CNTNAP5: variants seen among roughly 807,000 people sequenced by gnomAD.
CNTNAP5 encodes contactin-associated protein-like 5.
CNTNAP5 carries 72 observed loss-of-function variants against 150.2 expected under a neutral mutation model. The observed-to-expected ratio is 0.48, with a 90% CI of 0.40 to 0.58. The LOEUF (loss-of-function observed/expected upper bound fraction) is 0.58. Among genes scored for constraint, CNTNAP5 ranks in the 20% least tolerant of loss-of-function variants. The pLI is 0.00. For synonymous variants in CNTNAP5, 672 were observed against 619.8 expected (o/e 1.08, Z -1.25); for missense variants, 1,636 against 1,626.2 (o/e 1.01, Z -0.10).
intron 7 of CNTNAP5, among the ~76,000 whole-genome samples, chr2:124,500,098 A>G (rs970744601): frequency 6.6e-6 from 1 of 152,110 alleles, no homozygotes; most frequent in African/African-American, 2.4e-5. Flanking sequence ...ATTTTACTCT[A>G]TGCCCTCAAC....
At chr2:124,757,085 C>A (rs1332993460) in intron 14 of CNTNAP5, among the ~76,000 whole-genome samples, 1 of 152,150 alleles carries the variant, frequency 6.6e-6, no homozygotes, top group Non-Finnish European at 1.5e-5. Flanking sequence ...ACTGAGGTTC[C>A]TTCTCCCCAA....
chr2:124,713,241 TTCTCTTTCTTTCTTTCTTTCTTTC>T lies in CNTNAP5; in HGVS notation c.2078-33986_2078-33963del, dbSNP rs1277898413. 5.8e-3 allele frequency among the ~76,000 whole-genome samples: 326 copies of T among 55,996 alleles called. 39 individuals carry two copies. The highest frequency in any genetic ancestry group is 0.041 in the East Asian group (55 of 1,358). The allele number at this position is 55,996 out of a possible 152,430, so 36.7% of individuals were successfully genotyped here. A position where few individuals can be genotyped will look rare whatever the true frequency, so the allele number is the denominator to read the frequency against. The stretch of plus-strand genomic sequence containing the variant: ...TCTGTTTCTTTCTTTCTTTCTTTCT[TTCTCTTTCTTTCTTTCTTTCTTTC>T]TTTCTTTCTTTCTTTCTTTCTTTCT... On this transcript the variant is annotated intron_variant, in intron 13 of 23. Transcript: ENST00000682447.
At chr2:124,276,639 T>A (rs1283067807) in intron 3 of CNTNAP5, among the ~76,000 whole-genome samples, 10 of 152,142 alleles carry the variant, frequency 6.6e-5, no homozygotes, top group African/African-American at 2.4e-4. Flanking sequence ...AAGCTGATAT[T>A]AGCTAAACAT....
At chr2:124,814,330 G>A (rs1192500969) in intron 19 of CNTNAP5, among the ~76,000 whole-genome samples, 2 of 151,434 alleles carry the variant, frequency 1.3e-5, no homozygotes, top group Non-Finnish European at 2.9e-5. Flanking sequence ...TCTCTGGGAA[G>A]CTTTCCTGGT....
chr2:124,153,342 G>A (rs1462150608), intron 1 of CNTNAP5, among the ~76,000 whole-genome samples: 1 of 152,108 alleles, frequency 6.6e-6, no homozygotes, highest in Non-Finnish European at 1.5e-5. Flanking sequence ...AACCTTGCTG[G>A]GTTCAGATGC....
chr2:124,068,097 T>C (rs1682208329), intron 1 of CNTNAP5, among the ~76,000 whole-genome samples: 1 of 140,636 alleles, frequency 7.1e-6, no homozygotes, highest in Non-Finnish European at 1.6e-5. Flanking sequence ...TTTAACTATC[T>C]GCATACACAA....
intron 21 of CNTNAP5, among the ~76,000 whole-genome samples, chr2:124,898,383 A>C (rs945150351): frequency 6.6e-6 from 1 of 151,366 alleles, no homozygotes; most frequent in Non-Finnish European, 1.5e-5. Context: ...ACATACACAC[A>C]CAAACCTGCC....
At chr2:124,305,969 T>C (rs890689273) in intron 3 of CNTNAP5, among the ~76,000 whole-genome samples, 6 of 152,236 alleles carry the variant, frequency 3.9e-5, no homozygotes, top group Admixed American at 6.5e-5. Context: ...TCTCAAATAT[T>C]GTTTTTAATC....
chr2:124,798,497 C>G (rs1473699720), intron 19 of CNTNAP5, among the ~76,000 whole-genome samples, 177 bp downstream of exon 19: 2 of 152,206 alleles, frequency 1.3e-5, no homozygotes, highest in Non-Finnish European at 2.9e-5. Flanking sequence ...AATTGGTATT[C>G]AGGGCCAGTG....
At chr2:124,284,493 T>C (rs963080280) in intron 3 of CNTNAP5, among the ~76,000 whole-genome samples, 1 of 152,024 alleles carries the variant, frequency 6.6e-6, no homozygotes, top group Non-Finnish European at 1.5e-5. Flanking sequence ...TCAGGATAAA[T>C]AGCTAATGCG....
At chr2:124,142,814 A>T (rs1213965758) in intron 1 of CNTNAP5, among the ~76,000 whole-genome samples, 1 of 150,678 alleles carries the variant, frequency 6.6e-6, no homozygotes, top group African/African-American at 2.5e-5. Flanking sequence ...GGAAATAGAG[A>T]CACAAAAAAC....
At chr2:124,804,210 G>A (rs926571124) in intron 19 of CNTNAP5, among the ~76,000 whole-genome samples, 4 of 152,106 alleles carry the variant, frequency 2.6e-5, no homozygotes, top group African/African-American at 9.7e-5. Context: ...ACCTCTAGAG[G>A]GCGATAAAGA....
At chr2:124,400,183 C>T (rs1291263325) in intron 3 of CNTNAP5, among the ~76,000 whole-genome samples, 1 of 151,626 alleles carries the variant, frequency 6.6e-6, no homozygotes, top group Non-Finnish European at 1.5e-5. Flanking sequence ...TATGGGCCAC[C>T]TGTTCTGCTT....
chr2:124,674,432 C>A lies in CNTNAP5; in HGVS notation c.2077+26474C>A, dbSNP rs1234109979. Among the ~76,000 whole-genome samples, 8 of 142,722 alleles carry A rather than the reference C, an allele frequency of 5.6e-5. 1 individual carries two copies. Among genetic ancestry groups the A allele is most frequent in the Non-Finnish European group, 1.1e-4 (7 of 65,298 alleles). 93.6% of individuals were successfully genotyped at this position (142,722 alleles called of 152,430 possible). A position where few individuals can be genotyped will look rare whatever the true frequency, so the allele number is the denominator to read the frequency against. On this transcript the variant is annotated intron_variant, in intron 13 of 23. Transcript: ENST00000682447. ...CCTTCCCTCCCTCCCTCCTCCTCTC[C>A]TCTCCTTCCTTTCCTTTCCCTTCCT...
In CNTNAP5 at chr2:124,798,305, C is replaced by T; in HGVS notation, c.3202C>T (p.Leu1068=). 20 of 1,612,468 alleles carry T rather than the reference C, an allele frequency of 1.2e-5. No individual in the cohort carries two copies. Among genetic ancestry groups the T allele is most frequent in the Non-Finnish European group, 1.6e-5 (19 of 1,178,526 alleles). ...NSSSQDFVVV[L]LCKNGSLQVR... ...TTCTTCTCAGGACTTCGTGGTTGTT[C>T]TGCTCTGCAAGAATGGTGAGTGTGA... The change falls in exon 19 of 24, where the codon CTG becomes TTG. Residue 1068 remains leucine (L), a synonymous_variant. Coordinates refer to ENST00000682447, the MANE Select transcript of CNTNAP5 (RefSeq NM_001367498.1).
chr2:124,182,244 T>C (rs1281084651), intron 1 of CNTNAP5, among the ~76,000 whole-genome samples: 2 of 152,158 alleles, frequency 1.3e-5, no homozygotes, highest in African/African-American at 2.4e-5. Flanking sequence ...ATGAATATTG[T>C]TTATCAGCAC....
chr2:124,459,509 G>A (rs1177431256), intron 6 of CNTNAP5, among the ~76,000 whole-genome samples: 1 of 152,082 alleles, frequency 6.6e-6, no homozygotes, highest in African/African-American at 2.4e-5. Flanking sequence ...AGCACTTTGG[G>A]AGGCTGAGGC....
chr2:124,514,634 G>A (rs1414912678), intron 8 of CNTNAP5, among the ~76,000 whole-genome samples: 1 of 152,138 alleles, frequency 6.6e-6, no homozygotes. Flanking sequence ...TAGAACATGT[G>A]CCTGGGACAC....
At chr2:124,080,222 A>C (rs1015394868) in intron 1 of CNTNAP5, among the ~76,000 whole-genome samples, 6 of 152,190 alleles carry the variant, frequency 3.9e-5, no homozygotes, top group Admixed American at 1.3e-4. Flanking sequence ...TAGCCCTATA[A>C]ACACAGTATC....
Sources: gnomAD v4.1 joint callset for allele counts (sites outside exome capture counted in the v4.1 genomes callset) on GRCh38, gnomAD v4.1.1 for gene constraint, MANE v1.5 for transcripts, NCBI Gene and HGNC (gene_info 2026-07-23, HGNC 2026-07-21) for gene names.